FBXW8: variants seen among roughly 807,000 people sequenced by gnomAD.
The protein encoded by FBXW8 is F-box/WD repeat-containing protein 8.
FBXW8 carries 57 observed loss-of-function variants against 65.3 expected under a neutral mutation model. The ratio of observed to expected loss-of-function variants is 0.87; its 90% CI spans 0.71 to 1.09. The LOEUF is 1.09. Ranked by LOEUF, FBXW8 falls within the 50% of genes least tolerant of loss-of-function variation. FBXW8 has a pLI of 0.00. For missense variants in FBXW8, 777 were observed against 814.8 expected (o/e 0.95, Z 0.57); for synonymous variants, 308 against 330.2 (o/e 0.93, Z 0.73).
intron 1 of FBXW8, among the ~76,000 whole-genome samples, chr12:116,912,052 A>G (rs79831745): frequency 0.023 from 3,527 of 152,194 alleles, 132 homozygotes; most frequent in African/African-American, 0.081. Context: ...AACACCTGAA[A>G]TGCATCCGTG....
chr12:116,948,807 T>A (rs1392285648), intron 3 of FBXW8: 1 of 152,226 alleles, frequency 6.6e-6, no homozygotes, highest in Non-Finnish European at 1.5e-5. Context: ...CAGGCTGAAG[T>A]ACAGTGTTGC....
intron 4 of FBXW8, chr12:116,950,883 C>T (rs1883230338): frequency 6.6e-6 from 1 of 152,206 alleles, no homozygotes; most frequent in Admixed American, 6.5e-5. Context: ...TTGGTGTGAA[C>T]TCCGGAAGGT....
intron 4 of FBXW8, among the ~76,000 whole-genome samples, chr12:116,956,467 T>C (rs935395833): frequency 6.6e-6 from 1 of 152,172 alleles, no homozygotes; most frequent in Non-Finnish European, 1.5e-5. Flanking sequence ...CTGATTCAAA[T>C]ATGTTTTTAT....
chr12:116,982,887 T>C (rs1240416623), intron 5 of FBXW8, among the ~76,000 whole-genome samples: 2 of 152,166 alleles, frequency 1.3e-5, no homozygotes, highest in African/African-American at 4.8e-5. Flanking sequence ...CTCATAGTTA[T>C]TTTATGCACT....
At chr12:116,956,245 A>G (rs1883640790) in intron 4 of FBXW8, among the ~76,000 whole-genome samples, 1 of 152,032 alleles carries the variant, frequency 6.6e-6, no homozygotes. Context: ...CTGTGTATCC[A>G]TGCTTCTCTT....
In FBXW8 at chr12:117,024,196, GC is replaced by G. The variant is rs1565947297; in HGVS notation, c.1420del (p.His474IlefsTer31). 2 of 1,614,132 alleles carry G rather than the reference GC, an allele frequency of 1.2e-6. No homozygotes were observed. The highest frequency in any genetic ancestry group is 1.7e-6 in the Non-Finnish European group (2 of 1,180,034). On this transcript the variant is annotated frameshift_variant, in exon 9 of 11. Coordinates refer to ENST00000652555, the MANE Select transcript of FBXW8 (RefSeq NM_153348.3). LOFTEE classifies it high-confidence loss of function. ...TGGTAACATCGCCCTGTCGCTCTCC[GC>G]CCATCAGCTCAGGGTCTCTGCTGTG... ...RSGNIALSLS[A>X]HQLRVSAVQM...
At chr12:116,921,822 C>CTTTTTTT (rs11449832) in intron 1 of FBXW8, among the ~76,000 whole-genome samples, 1 of 99,346 alleles carries the variant, frequency 1.0e-5, no homozygotes, top group Non-Finnish European at 2.0e-5. Context: ...GTATTTCTGA[C>CTTTTTTT]TTTTTTTTTT....
chr12:116,970,344 G>A (rs1473666871), intron 5 of FBXW8, among the ~76,000 whole-genome samples: 2 of 152,150 alleles, frequency 1.3e-5, no homozygotes, highest in African/African-American at 4.8e-5. Flanking sequence ...CTCTTTATAT[G>A]GTGCCATCAA....
chr12:117,001,077 G>A (rs11068283), intron 7 of FBXW8, among the ~76,000 whole-genome samples: 6,084 of 152,246 alleles, frequency 0.04, 208 homozygotes, highest in Non-Finnish European at 0.061. Context: ...CAAATGGAAG[G>A]ATATTCCGAA....
chr12:116,947,862 GC>G (rs1253098302), intron 3 of FBXW8, among the ~76,000 whole-genome samples: 1 of 152,134 alleles, frequency 6.6e-6, no homozygotes, highest in Non-Finnish European at 1.5e-5. Flanking sequence ...ACTGCTCATG[GC>G]GTCATGGTGA....
chr12:116,933,141 T>G lies in FBXW8; in HGVS notation c.423+5014T>G, dbSNP rs528004938. Among the ~76,000 whole-genome samples, 14 of 152,344 alleles carry G rather than the reference T, an allele frequency of 9.2e-5. 1 individual carries two copies. Among genetic ancestry groups the G allele is most frequent in the Admixed American group, 9.1e-4 (14 of 15,302 alleles). On this transcript the variant is annotated intron_variant, in intron 2 of 10. Coordinates refer to ENST00000652555, the MANE Select transcript of FBXW8 (RefSeq NM_153348.3). The stretch of plus-strand genomic sequence containing the variant: ...ATTTGTTATATTCTAACTTTACACA[T>G]TGGCCTGCTCCCAAGAGTTGAAAAC...
chr12:116,985,353 A>T lies in FBXW8; in HGVS notation c.983A>T (p.Asn328Ile). 6.2e-7 allele frequency: 1 copy of T among 1,614,140 alleles called. No individual in the cohort carries two copies. The highest frequency in any genetic ancestry group is 8.5e-7 in the Non-Finnish European group (1 of 1,180,018). Residue 328 changes from asparagine (N) to isoleucine (I), a missense_variant, in exon 6 of 11, where the codon AAT becomes ATT. Physicochemically the swap from Asn to Ile is moderately radical, Grantham distance 149 (BLOSUM62 -3). Coordinates refer to ENST00000652555, the MANE Select transcript of FBXW8 (RefSeq NM_153348.3). ...SAFDVVMLSP[N>I]EEGYWQIAAE... is the part of the protein sequence containing the mutation. ...TTTGATGTCGTGATGTTATCCCCCAATGAGGAGGGGTACTGGCAGATAGCT... is the reference window on the plus strand; with the variant it reads ...TTTGATGTCGTGATGTTATCCCCCATTGAGGAGGGGTACTGGCAGATAGCT...
rs766231928 is a variant in FBXW8 at position 116,985,408 on chromosome 12, C to A, written c.1032+6C>A. The A allele has an allele frequency of 4.8e-5, 78 of 1,610,284 alleles. No individual in the cohort carries two copies. The highest frequency in any genetic ancestry group is 6.6e-5 in the Non-Finnish European group (78 of 1,178,700). Reference sequence around the variant, plus strand: ...AATTTGAAGTTCCGAAACTGGTGAGCTTTTTAGTCTGGTCATCTTATTTTC... The same window carrying A: ...AATTTGAAGTTCCGAAACTGGTGAGATTTTTAGTCTGGTCATCTTATTTTC... On this transcript the variant is annotated splice_donor_region_variant and intron_variant, in intron 6 of 10. Coordinates refer to ENST00000652555, the MANE Select transcript of FBXW8 (RefSeq NM_153348.3).
At chr12:116,968,475 AC>A (rs1884457852) in intron 5 of FBXW8, among the ~76,000 whole-genome samples, 2 of 152,162 alleles carry the variant, frequency 1.3e-5, no homozygotes, top group South Asian at 2.1e-4. Flanking sequence ...TAGAGAGAGT[AC>A]CCCGTTTGCA....
At chr12:116,990,999 A>C (rs1049723467) in intron 7 of FBXW8, among the ~76,000 whole-genome samples, 12 of 152,184 alleles carry the variant, frequency 7.9e-5, no homozygotes, top group East Asian at 1.9e-4. Context: ...CACACACACA[A>C]AAAAAGTATA....
chr12:116,917,491 G>A (rs1436446965), intron 1 of FBXW8, among the ~76,000 whole-genome samples: 2 of 152,140 alleles, frequency 1.3e-5, no homozygotes, highest in East Asian at 3.8e-4. Context: ...CCAACCTTTG[G>A]CACTTTCATT....
At chr12:116,927,231 A>G (rs145857670) in intron 1 of FBXW8, among the ~76,000 whole-genome samples, 200 of 152,290 alleles carry the variant, frequency 1.3e-3, no homozygotes, top group Non-Finnish European at 2.3e-3. Context: ...TTGTGCTACC[A>G]GGATCGTCAA....
At chr12:117,003,787 T>G (rs1953602707) in intron 7 of FBXW8, among the ~76,000 whole-genome samples, 1 of 152,238 alleles carries the variant, frequency 6.6e-6, no homozygotes, top group South Asian at 2.1e-4. Flanking sequence ...CTGACACTAC[T>G]GACGAGTTGG....
chr12:116,923,271 T>C (rs1003459333), intron 1 of FBXW8, among the ~76,000 whole-genome samples: 4 of 150,438 alleles, frequency 2.7e-5, no homozygotes, highest in Admixed American at 2.6e-4. Context: ...GGTAGGGCCC[T>C]TGGCATTTTT....
Sources: gnomAD v4.1 joint callset for allele counts (sites outside exome capture counted in the v4.1 genomes callset) on GRCh38, gnomAD v4.1.1 for gene constraint, MANE v1.5 for transcripts, NCBI Gene and HGNC (gene_info 2026-07-23, HGNC 2026-07-21) for gene names.